ARID1B: variants seen among roughly 807,000 people sequenced by gnomAD.
The protein encoded by ARID1B is AT-rich interactive domain-containing protein 1B.
ARID1B carries 30 observed loss-of-function variants against 212.3 expected under a neutral mutation model. The observed-to-expected ratio is 0.14, with a 90% confidence interval of 0.11 to 0.19. The LOEUF is 0.19. ARID1B is among the 10% of genes least tolerant of loss of function. ARID1B has a pLI of 1.00. For synonymous variants in ARID1B, 1,402 were observed against 1,301.7 expected (o/e 1.08, Z -1.66); for missense variants, 2,891 against 3,204.0 (o/e 0.90, Z 2.36).
At chr6:156,838,736 CA>C (rs1185354802) in intron 2 of ARID1B, among the ~76,000 whole-genome samples, 2 of 82,150 alleles carry the variant, frequency 2.4e-5, no homozygotes, top group African/African-American at 4.5e-5. Context: ...TAATAATAAA[CA>C]AAAAAAACCG....
At chr6:157,195,690 T>G (rs552837759) in intron 15 of ARID1B, 18 of 157,968 alleles carry the variant, frequency 1.1e-4, no homozygotes, top group African/African-American at 4.3e-4. Context: ...GGGGCCATCT[T>G]AGATTTCTGC....
intron 5 of ARID1B, among the ~76,000 whole-genome samples, chr6:157,097,287 TGTTTTA>T (rs1249653337): frequency 6.6e-6 from 1 of 152,204 alleles, no homozygotes; most frequent in Non-Finnish European, 1.5e-5. Flanking sequence ...ATAGTACCAG[TGTTTTA>T]TCTGTTGGTC....
chr6:156,943,341 A>G (rs557350409), intron 4 of ARID1B: 3 of 152,240 alleles, frequency 2.0e-5, no homozygotes, highest in South Asian at 2.1e-4. Context: ...CTATTTTAAA[A>G]TATAGACTGT....
chr6:157,002,070 C>G (rs563215474), intron 4 of ARID1B, among the ~76,000 whole-genome samples: 11 of 152,276 alleles, frequency 7.2e-5, no homozygotes, highest in Admixed American at 5.9e-4. Context: ...ATTGCTTTCT[C>G]AATTGCAAAG....
chr6:157,076,889 T>A (rs58127306), intron 4 of ARID1B, among the ~76,000 whole-genome samples: 15 of 152,236 alleles, frequency 9.9e-5, no homozygotes, highest in African/African-American at 3.6e-4. Flanking sequence ...GGTGATTTTT[T>A]CCTTTCTAAC....
intron 1 of ARID1B, among the ~76,000 whole-genome samples, chr6:156,808,880 T>A (rs989899344): frequency 7.2e-5 from 11 of 152,232 alleles, no homozygotes; most frequent in Non-Finnish European, 1.0e-4. Flanking sequence ...TAAGGATTTG[T>A]ATTTCATTGT....
intron 7 of ARID1B, among the ~76,000 whole-genome samples, chr6:157,146,525 C>T (rs1180767343): frequency 2.6e-5 from 4 of 152,216 alleles, no homozygotes; most frequent in Non-Finnish European, 5.9e-5. Flanking sequence ...ATCAGACTCA[C>T]TCTCCCTTCT....
intron 15 of ARID1B, among the ~76,000 whole-genome samples, chr6:157,193,090 G>C (rs1278769441): frequency 3.9e-5 from 6 of 152,164 alleles, no homozygotes; most frequent in Non-Finnish European, 7.3e-5. Flanking sequence ...TTCACTGATT[G>C]AGGCATTGAT....
At chr6:156,993,710 A>C (rs1383913806) in intron 4 of ARID1B, among the ~76,000 whole-genome samples, 1 of 152,228 alleles carries the variant, frequency 6.6e-6, no homozygotes, top group Non-Finnish European at 1.5e-5. Context: ...ATTGACAAGC[A>C]TGGGTAGAAC....
chr6:156,939,074 C>G (rs903566283), intron 4 of ARID1B: 2 of 152,186 alleles, frequency 1.3e-5, no homozygotes, highest in Admixed American at 6.5e-5. Context: ...TTCTATACCT[C>G]TTAGTCGTAC....
chr6:157,091,840 A>G (rs1583291833), intron 5 of ARID1B, among the ~76,000 whole-genome samples: 1 of 152,250 alleles, frequency 6.6e-6, no homozygotes, highest in Non-Finnish European at 1.5e-5. Context: ...TTTCGTGATG[A>G]CATTAGCAGT....
intron 4 of ARID1B, among the ~76,000 whole-genome samples, chr6:156,975,689 C>G (rs4028073): frequency 0.22 from 28,441 of 131,062 alleles, 3,047 homozygotes; most frequent in East Asian, 0.44. Flanking sequence ...GGCAAGAAGT[C>G]TTTTTAATTT....
chr6:157,091,671 C>T (rs959909537), intron 5 of ARID1B, among the ~76,000 whole-genome samples: 2 of 152,176 alleles, frequency 1.3e-5, no homozygotes, highest in African/African-American at 4.8e-5. Context: ...ACCAATGTCT[C>T]TCTTTCATTT....
chr6:156,885,140 T>G (rs1283518645), intron 2 of ARID1B, among the ~76,000 whole-genome samples: 2 of 152,044 alleles, frequency 1.3e-5, no homozygotes, highest in Admixed American at 6.5e-5. Context: ...GAATATGATC[T>G]AATTTCAGAA....
At chr6:157,026,230 T>A (rs923103208) in intron 4 of ARID1B, among the ~76,000 whole-genome samples, 2 of 152,170 alleles carry the variant, frequency 1.3e-5, no homozygotes, top group African/African-American at 2.4e-5. Flanking sequence ...AAAAATCAGA[T>A]CTCTCCTTTG....
At chr6:156,995,861 C>T (rs1010182349) in intron 4 of ARID1B, among the ~76,000 whole-genome samples, 2 of 152,198 alleles carry the variant, frequency 1.3e-5, no homozygotes, top group African/African-American at 2.4e-5. Context: ...AGCTTAAATG[C>T]GTCTTATATA....
intron 4 of ARID1B, among the ~76,000 whole-genome samples, chr6:156,989,440 G>C (rs139207136): frequency 1.9e-3 from 283 of 152,324 alleles, no homozygotes; most frequent in African/African-American, 6.4e-3. Flanking sequence ...TCTTCAAAAA[G>C]TTTTGGGAAT....
chr6:157,091,012 T>C (rs2128475054), intron 5 of ARID1B, among the ~76,000 whole-genome samples: 1 of 152,264 alleles, frequency 6.6e-6, no homozygotes. Flanking sequence ...GCACAGCATG[T>C]GGCACCTGCT....
intron 2 of ARID1B, among the ~76,000 whole-genome samples, chr6:156,839,520 G>A (rs1406322766): frequency 6.6e-6 from 1 of 152,194 alleles, no homozygotes; most frequent in Non-Finnish European, 1.5e-5. Context: ...GGGAGAGGAG[G>A]AAAGACTAGA....
Sources: allele counts gnomAD v4.1 joint callset (sites outside exome capture counted in the v4.1 genomes callset), GRCh38; gene constraint gnomAD v4.1.1; transcripts MANE v1.5; gene names NCBI Gene and HGNC (gene_info 2026-07-23, HGNC 2026-07-21).